MAP4K3: variants seen among roughly 807,000 people sequenced by gnomAD.
The protein encoded by MAP4K3 is MAPK/ERK kinase kinase kinase 3.
In MAP4K3, 94 loss-of-function variants were observed where a neutral mutation model predicts 143.5. The ratio of observed to expected loss-of-function variants is 0.65; its 90% CI spans 0.55 to 0.78. The LOEUF (loss-of-function observed/expected upper bound fraction) is 0.78. Among genes scored for constraint, MAP4K3 ranks in the 30% least tolerant of loss-of-function variants. The pLI is 0.00. For synonymous variants in MAP4K3, 416 were observed against 347.2 expected, an observed-to-expected ratio of 1.20 and a Z score of -2.20; for missense variants, 1,077 against 1,068.1, an observed-to-expected ratio of 1.01 and a Z score of -0.12.
intron 1 of MAP4K3, among the ~76,000 whole-genome samples, chr2:39,425,086 G>A (rs1665025135): frequency 6.6e-6 from 1 of 152,094 alleles, no homozygotes; most frequent in Non-Finnish European, 1.5e-5. Flanking sequence ...TGGAAGGACA[G>A]CCACAGTCTC....
chr2:39,405,121 C>T (rs971699800), intron 1 of MAP4K3, among the ~76,000 whole-genome samples: 6 of 152,222 alleles, frequency 3.9e-5, no homozygotes, highest in African/African-American at 1.4e-4. Context: ...GGGCAAGACC[C>T]AGTGCTGTGC....
Position 39,387,522 on chromosome 2 carries a change from T to C in MAP4K3, c.97-9399A>G, listed in dbSNP as rs551468369. On this transcript the variant is annotated intron_variant, in intron 1 of 33. Transcript: ENST00000263881. ...ATTAGACAGCACAACTCTAAAATGT[T>C]TGAAACTGGAAATACTGAGAAATAG... 5.3e-5 allele frequency among the ~76,000 whole-genome samples: 8 copies of C among 152,334 alleles called. No homozygotes were observed. The South Asian group carries it at 8.3e-4, about 16-fold the overall frequency.
At chr2:39,254,553 T>C (rs746038296) in intron 31 of MAP4K3, 33 bp from the exon 32 acceptor site, 125 of 1,576,058 alleles carry the variant, frequency 7.9e-5, no homozygotes, top group Admixed American at 7.8e-4. Context: ...TTACTGTTAA[T>C]AGTACAAAAG....
At chr2:39,294,483 G>A (rs1382982637) in intron 16 of MAP4K3, among the ~76,000 whole-genome samples, 2 of 152,166 alleles carry the variant, frequency 1.3e-5, no homozygotes, top group African/African-American at 4.8e-5. Context: ...AGCTCTCCAA[G>A]GGCCAACTCT....
rs772481553 is a variant in MAP4K3 at position 39,278,375 on chromosome 2, T to TAAAA, written c.1794+28_1794+31dup. On this transcript the variant is annotated intron_variant, in intron 24 of 33. Transcript: ENST00000263881. ...TGTGTACTTATGGTAACTTAAAAAT[T>TAAAA]AAAAAAAAAAAGAATATACAAAATA... 3.7e-4 allele frequency: 409 copies of TAAAA among 1,102,922 alleles called. 4 individuals carry two copies. Among genetic ancestry groups the TAAAA allele is most frequent in the Non-Finnish European group, 4.1e-4 (326 of 793,604 alleles). The allele number at this position is 1,102,922 out of a possible 1,614,324, so 68.3% of individuals were successfully genotyped here. A position where few individuals can be genotyped will look rare whatever the true frequency, so the allele number is the denominator to read the frequency against.
intron 13 of MAP4K3, among the ~76,000 whole-genome samples, chr2:39,312,626 A>G (rs1273544357): frequency 2.0e-5 from 3 of 152,216 alleles, no homozygotes; most frequent in Admixed American, 6.5e-5. Flanking sequence ...CTGGGTGTGT[A>G]TATGCTTTTA....
chr2:39,371,586 CAG>C lies in MAP4K3; in HGVS notation c.154+6478_154+6479del, dbSNP rs1666082707. Reference sequence around the variant, plus strand: ...TGAACTAAATTCTGCAATCAAAAAACAGAGTGGCTGAATGGATAAGAAAATAA... The same window carrying C: ...TGAACTAAATTCTGCAATCAAAAAACAGTGGCTGAATGGATAAGAAAATAA... On this transcript the variant is annotated intron_variant, in intron 2 of 33. Coordinates refer to ENST00000263881, the MANE Select transcript of MAP4K3 (RefSeq NM_003618.4). Among the ~76,000 whole-genome samples the C allele has an allele frequency of 2.6e-5, 4 of 152,130 alleles. No individual in the cohort carries two copies. In the South Asian group the frequency reaches 8.3e-4, roughly 31 times the overall value.
chr2:39,398,820 A>G (rs985916627), intron 1 of MAP4K3, among the ~76,000 whole-genome samples: 3 of 150,988 alleles, frequency 2.0e-5, no homozygotes, highest in African/African-American at 7.3e-5. Flanking sequence ...AGGTGGGTGG[A>G]TCACTTGAGG....
At position 39,250,477 on chromosome 2, in the gene MAP4K3, C is replaced by T; in HGVS notation, c.*141G>A. 1.4e-6 allele frequency: 1 copy of T among 733,154 alleles called. No individual in the cohort carries two copies. The allele number at this position is 733,154 out of a possible 1,614,324, so 45.4% of individuals were successfully genotyped here. A position where few individuals can be genotyped will look rare whatever the true frequency, so the allele number is the denominator to read the frequency against. On this transcript the variant is annotated 3_prime_UTR_variant, in exon 34 of 34. Transcript: ENST00000263881. Reference sequence around the variant, plus strand: ...CCATACCACTTAAAACAAAATTTTCCCCATCTTATCTCATGCCACAATAAA... The same window carrying T: ...CCATACCACTTAAAACAAAATTTTCTCCATCTTATCTCATGCCACAATAAA...
intron 13 of MAP4K3, among the ~76,000 whole-genome samples, chr2:39,311,394 C>A (rs1682931617): frequency 6.6e-6 from 1 of 152,076 alleles, no homozygotes; most frequent in South Asian, 2.1e-4. Flanking sequence ...CATCTTAATT[C>A]AGTATTTAGG....
intron 17 of MAP4K3, 82 bp from the exon 18 acceptor site, chr2:39,292,908 G>T: frequency 8.7e-7 from 1 of 1,146,982 alleles, no homozygotes; most frequent in African/African-American, 1.5e-5. Flanking sequence ...TGCAGGAAAA[G>T]CTACTGTAAG....
intron 12 of MAP4K3, among the ~76,000 whole-genome samples, chr2:39,322,162 A>G (rs1558645791): frequency 6.6e-6 from 1 of 152,214 alleles, no homozygotes; most frequent in Non-Finnish European, 1.5e-5. Flanking sequence ...CTTAAAATTA[A>G]GTGGCAGGGC....
intron 2 of MAP4K3, among the ~76,000 whole-genome samples, chr2:39,371,815 A>C (rs2141942): frequency 0.69 from 104,503 of 151,150 alleles, 36,902 homozygotes; most frequent in Non-Finnish European, 0.76. Context: ...CTCTCTCTAT[A>C]TATATATATG....
intron 3 of MAP4K3, among the ~76,000 whole-genome samples, chr2:39,348,910 C>G (rs1016546148): frequency 3.3e-5 from 5 of 152,136 alleles, no homozygotes. Flanking sequence ...AGACTTAAAA[C>G]TGACCAAACT....
intron 28 of MAP4K3, among the ~76,000 whole-genome samples, chr2:39,262,127 A>G (rs942120215): frequency 1.3e-5 from 2 of 152,168 alleles, no homozygotes; most frequent in African/African-American, 4.8e-5. Flanking sequence ...CTAGCATTTT[A>G]TGAAGCTACT....
At chr2:39,356,570 T>C (rs1036318647) in intron 2 of MAP4K3, among the ~76,000 whole-genome samples, 1 of 152,214 alleles carries the variant, frequency 6.6e-6, no homozygotes, top group African/African-American at 2.4e-5. Context: ...TCCCAGACTT[T>C]CTGGATTAAA....
At chr2:39,360,260 C>G (rs889870455) in intron 2 of MAP4K3, among the ~76,000 whole-genome samples, 5 of 152,210 alleles carry the variant, frequency 3.3e-5, no homozygotes, top group African/African-American at 4.8e-5. Context: ...CACTTCTGCT[C>G]TAGTTCCCAA....
chr2:39,256,824 C>A (rs984645655), intron 31 of MAP4K3, among the ~76,000 whole-genome samples: 1 of 152,116 alleles, frequency 6.6e-6, no homozygotes, highest in African/African-American at 2.4e-5. Context: ...ACCATCATGC[C>A]TGATTATCAG....
At chr2:39,306,060 C>G (rs1443642484) in intron 15 of MAP4K3, among the ~76,000 whole-genome samples, 2 of 152,170 alleles carry the variant, frequency 1.3e-5, no homozygotes, top group South Asian at 4.1e-4. Flanking sequence ...GATCTCCTGA[C>G]CTCATGATCT....
Sources: allele counts gnomAD v4.1 joint callset (sites outside exome capture counted in the v4.1 genomes callset), GRCh38; gene constraint gnomAD v4.1.1; transcripts MANE v1.5; gene names NCBI Gene and HGNC (gene_info 2026-07-23, HGNC 2026-07-21).